SYNPR: variants seen among roughly 807,000 people sequenced by gnomAD.
The protein encoded by SYNPR is synaptoporin.
A neutral mutation model predicts 32.9 loss-of-function variants in SYNPR; 23 were observed. The observed-to-expected ratio is 0.70, with a 90% CI of 0.50 to 0.99. SYNPR has a LOEUF of 0.99. SYNPR is among the 50% of genes least tolerant of loss of function. The pLI is 0.00. For synonymous variants in SYNPR, 146 were observed against 135.9 expected, an observed-to-expected ratio of 1.07 and a Z score of -0.52; for missense variants, 318 against 349.3, an observed-to-expected ratio of 0.91 and a Z score of 0.71.
At chr3:63,430,444 A>G (rs898630218) in intron 2 of SYNPR, among the ~76,000 whole-genome samples, 5 of 152,130 alleles carry the variant, frequency 3.3e-5, no homozygotes, top group African/African-American at 1.2e-4. Context: ...ATAGAAATAG[A>G]TGTACATAAT....
chr3:63,511,962 C>T (rs772561886), intron 3 of SYNPR, among the ~76,000 whole-genome samples: 32 of 152,062 alleles, frequency 2.1e-4, no homozygotes, highest in Non-Finnish European at 4.0e-4. Flanking sequence ...TACCCCATAC[C>T]AGCCACCCTA....
At chr3:63,431,797 T>G (rs1221542523) in intron 2 of SYNPR, among the ~76,000 whole-genome samples, 2 of 150,948 alleles carry the variant, frequency 1.3e-5, no homozygotes, top group African/African-American at 4.9e-5. Flanking sequence ...AATCTTTCCT[T>G]GGAGTCCTCA....
At chr3:63,397,482 A>C (rs973483800) in intron 2 of SYNPR, among the ~76,000 whole-genome samples, 36 of 152,050 alleles carry the variant, frequency 2.4e-4, no homozygotes, top group Non-Finnish European at 4.7e-4. Context: ...TTTCTCCCTA[A>C]TTCCTCCTGC....
At chr3:63,412,334 G>A (rs1039465299) in intron 2 of SYNPR, among the ~76,000 whole-genome samples, 2 of 152,124 alleles carry the variant, frequency 1.3e-5, no homozygotes, top group Middle Eastern at 3.2e-3. Context: ...TTTCTTTATT[G>A]ATCTTAAAAG....
chr3:63,305,093 T>C (rs976729217), intron 2 of SYNPR, among the ~76,000 whole-genome samples: 1 of 151,970 alleles, frequency 6.6e-6, no homozygotes, highest in African/African-American at 2.4e-5. Flanking sequence ...CCCTCCCACA[T>C]TGCACTGATT....
intron 2 of SYNPR, among the ~76,000 whole-genome samples, chr3:63,314,419 A>T (rs1364387373): frequency 6.6e-6 from 1 of 151,758 alleles, no homozygotes; most frequent in African/African-American, 2.4e-5. Flanking sequence ...TTCTTGCATG[A>T]GTAAGGTGGT....
chr3:63,434,530 A>G (rs1267510487), intron 2 of SYNPR, among the ~76,000 whole-genome samples: 1 of 152,246 alleles, frequency 6.6e-6, no homozygotes, highest in East Asian at 1.9e-4. Context: ...TTTACTATTC[A>G]TATCTCAGTG....
intron 1 of SYNPR, among the ~76,000 whole-genome samples, chr3:63,250,095 A>C (rs1281287665): frequency 6.6e-6 from 1 of 152,082 alleles, no homozygotes; most frequent in Non-Finnish European, 1.5e-5. Context: ...AGCTGGGAGG[A>C]ATAGGTTCTA....
chr3:63,464,162 T>C (rs1010928072), intron 2 of SYNPR, among the ~76,000 whole-genome samples: 1 of 152,208 alleles, frequency 6.6e-6, no homozygotes, highest in African/African-American at 2.4e-5. Flanking sequence ...AGTTCTGTCA[T>C]GTTGATTTTT....
chr3:63,512,565 TAG>T (rs1298684633), intron 3 of SYNPR, among the ~76,000 whole-genome samples: 3 of 151,982 alleles, frequency 2.0e-5, no homozygotes, highest in African/African-American at 4.8e-5. Flanking sequence ...GTAGAAGAGT[TAG>T]AGTCAGAGAA....
chr3:63,494,524 T>TATATATACATATATAC (rs1559516594), intron 3 of SYNPR, among the ~76,000 whole-genome samples: 3 of 60,452 alleles, frequency 5.0e-5, no homozygotes, highest in Admixed American at 1.8e-4. Context: ...CATATATACA[T>TATATATACATATATAC]ATATATATAT....
At chr3:63,570,887 G>A (rs1349738919) in intron 4 of SYNPR, among the ~76,000 whole-genome samples, 1 of 152,098 alleles carries the variant, frequency 6.6e-6, no homozygotes, top group African/African-American at 2.4e-5. Context: ...TCAAGGATAG[G>A]GTCTGAGTTT....
chr3:63,537,592 C>G (rs1490437851), intron 3 of SYNPR, among the ~76,000 whole-genome samples: 1 of 152,008 alleles, frequency 6.6e-6, no homozygotes, highest in East Asian at 1.9e-4. Flanking sequence ...GAAATGTTTA[C>G]TGAAGAAATG....
intron 2 of SYNPR, among the ~76,000 whole-genome samples, chr3:63,349,184 C>T (rs757765151): frequency 2.6e-5 from 4 of 151,872 alleles, no homozygotes; most frequent in Non-Finnish European, 5.9e-5. Context: ...CTCACTGCAA[C>T]CTCCACCTCC....
At chr3:63,564,896 C>A (rs1702755709) in intron 4 of SYNPR, among the ~76,000 whole-genome samples, 1 of 152,184 alleles carries the variant, frequency 6.6e-6, no homozygotes, top group African/African-American at 2.4e-5. Flanking sequence ...AGAATTCATG[C>A]TTCTTCCAGA....
chr3:63,605,777 T>C (rs1185743117), intron 4 of SYNPR, among the ~76,000 whole-genome samples: 2 of 152,192 alleles, frequency 1.3e-5, no homozygotes, highest in Non-Finnish European at 2.9e-5. Flanking sequence ...GAAGGAGCCA[T>C]GTGGGTCCCA....
Position 63,442,803 on chromosome 3 carries a change from C to T in SYNPR, c.85-38029C>T, listed in dbSNP as rs543912509. On this transcript the variant is annotated intron_variant, in intron 2 of 5. Coordinates refer to ENST00000478300, the MANE Select transcript of SYNPR (RefSeq NM_001130003.2). The stretch of plus-strand genomic sequence containing the variant: ...TTAATGATTATTTATGGACAGTGTA[C>T]GAGTTTCCCAAATGGGGATTATGCA... Among the ~76,000 whole-genome samples, 73 of 152,166 alleles carry T rather than the reference C, an allele frequency of 4.8e-4. 3 individuals carry two copies. The South Asian group carries it at 0.013, about 28-fold the overall frequency.
intron 3 of SYNPR, among the ~76,000 whole-genome samples, chr3:63,546,900 A>C (rs971504240): frequency 6.6e-6 from 1 of 152,136 alleles, no homozygotes; most frequent in Non-Finnish European, 1.5e-5. Flanking sequence ...TTGGAGATGA[A>C]ACTGTTTTTG....
chr3:63,603,836 G>A (rs894339529), intron 4 of SYNPR, among the ~76,000 whole-genome samples: 3 of 152,080 alleles, frequency 2.0e-5, no homozygotes, highest in African/African-American at 2.4e-5. Context: ...TCTCTGCCTG[G>A]TTTTGTTATC....
Sources: gnomAD v4.1 joint callset for allele counts (sites outside exome capture counted in the v4.1 genomes callset) on GRCh38, gnomAD v4.1.1 for gene constraint, MANE v1.5 for transcripts, NCBI Gene and HGNC (gene_info 2026-07-23, HGNC 2026-07-21) for gene names.